The following L3MBTL4 variants were observed in gnomAD, a reference collection of about 807,000 sequenced individuals.
The protein encoded by L3MBTL4 is L3MBTL histone methyl-lysine binding protein 4.
L3MBTL4 carries 70 observed loss-of-function variants against 84.5 expected under a neutral mutation model. That is an observed-to-expected ratio of 0.83 (90% CI 0.68 to 1.01). The LOEUF (loss-of-function observed/expected upper bound fraction) is 1.01. Ranked by LOEUF, L3MBTL4 falls within the 50% of genes least tolerant of loss-of-function variation. The pLI, the probability that L3MBTL4 is intolerant of heterozygous loss-of-function variation, is 0.00. For synonymous variants in L3MBTL4, 274 were observed against 259.8 expected, an observed-to-expected ratio of 1.05 and a Z score of -0.52; for missense variants, 715 against 754.8, an observed-to-expected ratio of 0.95 and a Z score of 0.62.
intron 16 of L3MBTL4, among the ~76,000 whole-genome samples, chr18:6,035,420 G>T (rs1598504129): frequency 6.6e-6 from 1 of 150,678 alleles, no homozygotes; most frequent in East Asian, 1.9e-4. Flanking sequence ...TTTCCCCATT[G>T]CTTGTTTTTC....
rs573392010 is a variant in L3MBTL4 at position 5,996,185 on chromosome 18, T to G, written c.1445-26623A>C. ...TGTCAAATCCTAGAAAATGTAGCATTCCTACACATGATGTTAACATCGTTC... is the reference window on the plus strand; with the variant it reads ...TGTCAAATCCTAGAAAATGTAGCATGCCTACACATGATGTTAACATCGTTC... On this transcript the variant is annotated intron_variant, in intron 16 of 18. Coordinates refer to ENST00000317931, the MANE Select transcript of L3MBTL4 (RefSeq NM_001330559.2). 4.3e-4 allele frequency among the ~76,000 whole-genome samples: 66 copies of G among 152,346 alleles called. 1 individual carries two copies. The South Asian group carries it at 0.014, about 32-fold the overall frequency.
chr18:6,294,401 G>A (rs958183810), intron 4 of L3MBTL4, among the ~76,000 whole-genome samples: 2 of 152,228 alleles, frequency 1.3e-5, no homozygotes, highest in African/African-American at 4.8e-5. Flanking sequence ...ATGCACCAAA[G>A]TGGCAGCTTC....
intron 3 of L3MBTL4, among the ~76,000 whole-genome samples, chr18:6,304,659 T>C (rs1480552259): frequency 3.9e-5 from 6 of 152,210 alleles, no homozygotes; most frequent in Non-Finnish European, 7.3e-5. Flanking sequence ...TCTACCCTGT[T>C]CTACTGCAAG....
At chr18:6,020,589 C>T (rs755504061) in intron 16 of L3MBTL4, among the ~76,000 whole-genome samples, 81 of 152,088 alleles carry the variant, frequency 5.3e-4, no homozygotes, top group Non-Finnish European at 1.6e-4. Flanking sequence ...GAGACACCAT[C>T]CTGTAGTCAA....
intron 16 of L3MBTL4, among the ~76,000 whole-genome samples, chr18:6,001,941 C>T (rs1034764722): frequency 2.6e-5 from 4 of 152,198 alleles, no homozygotes; most frequent in African/African-American, 4.8e-5. Context: ...ATCTAAGATG[C>T]TCAACAAACT....
intron 5 of L3MBTL4, chr18:6,260,821 A>G (rs1014009564): frequency 1.3e-5 from 2 of 152,264 alleles, no homozygotes; most frequent in Non-Finnish European, 2.9e-5. Context: ...ATGAACATTA[A>G]TAGTCAAAAA....
intron 16 of L3MBTL4, among the ~76,000 whole-genome samples, chr18:5,979,778 T>A (rs2053122738): frequency 6.6e-6 from 1 of 152,196 alleles, no homozygotes; most frequent in South Asian, 2.1e-4. Context: ...TTTAGCAAGG[T>A]AAGCCTCTGT....
chr18:6,265,226 C>T (rs996139160), intron 4 of L3MBTL4, among the ~76,000 whole-genome samples: 21 of 152,148 alleles, frequency 1.4e-4, no homozygotes, highest in Non-Finnish European at 7.4e-5. Context: ...ATAAATAATT[C>T]CTTCCCAATT....
At position 6,263,947 on chromosome 18, in the gene L3MBTL4, C is replaced by A; in HGVS notation, c.219G>T (p.Lys73Asn). The A allele has an allele frequency of 6.2e-7, 1 of 1,611,438 alleles. No homozygotes were observed. The highest frequency in any genetic ancestry group is 8.5e-7 in the Non-Finnish European group (1 of 1,177,524). ...AAATATAAGTCCTTCAGTGGCTGAC[C>A]TTGGAAAACAGCTCAACAGGTGCTG... ...AVAAPVELFSKDQSFPEHENG... is the reference protein window; with the variant it reads ...AVAAPVELFSNDQSFPEHENG... The change falls in exon 5 of 19, where the codon AAG (lysine) becomes AAT (asparagine). Residue 73 changes from lysine to asparagine, a missense_variant and splice_region_variant. By Grantham distance (94) the Lys-to-Asn change is moderately conservative. Coordinates refer to ENST00000317931, the MANE Select transcript of L3MBTL4 (RefSeq NM_001330559.2).
At chr18:5,962,151 C>T (rs1182128339) in intron 17 of L3MBTL4, among the ~76,000 whole-genome samples, 1 of 152,122 alleles carries the variant, frequency 6.6e-6, no homozygotes, top group African/African-American at 2.4e-5. Context: ...CTGACCACAA[C>T]ATGTGTTCAA....
intron 3 of L3MBTL4, among the ~76,000 whole-genome samples, chr18:6,308,411 G>C (rs1336199543): frequency 6.6e-6 from 1 of 152,138 alleles, no homozygotes; most frequent in Non-Finnish European, 1.5e-5. Flanking sequence ...ATATCCTTTG[G>C]TACAATAATT....
At chr18:6,038,347 G>C (rs1438236737) in intron 16 of L3MBTL4, among the ~76,000 whole-genome samples, 1 of 147,018 alleles carries the variant, frequency 6.8e-6, no homozygotes, top group Non-Finnish European at 1.5e-5. Context: ...TCCGCCTCTC[G>C]GGTTCACGCC....
chr18:6,087,417 G>A (rs947820902), intron 15 of L3MBTL4, among the ~76,000 whole-genome samples: 2 of 152,162 alleles, frequency 1.3e-5, no homozygotes, highest in Admixed American at 1.3e-4. Flanking sequence ...CATTGCAGAA[G>A]TTGAATTAAT....
At chr18:6,162,964 G>A (rs1479453100) in intron 13 of L3MBTL4, among the ~76,000 whole-genome samples, 1 of 152,140 alleles carries the variant, frequency 6.6e-6, no homozygotes, top group Non-Finnish European at 1.5e-5. Flanking sequence ...TTGTGTGCAT[G>A]CAAAGGAGTC....
chr18:6,312,322 C>T (rs1052903685), intron 1 of L3MBTL4, among the ~76,000 whole-genome samples: 1 of 152,084 alleles, frequency 6.6e-6, no homozygotes, highest in Non-Finnish European at 1.5e-5. Context: ...CATCTATAGT[C>T]CCCAGTGCTT....
intron 3 of L3MBTL4, among the ~76,000 whole-genome samples, chr18:6,311,167 T>C (rs2050811950): frequency 6.6e-6 from 1 of 151,044 alleles, no homozygotes; most frequent in African/African-American, 2.4e-5. Context: ...TCTCTCGCTC[T>C]GTGTGTGTGT....
intron 1 of L3MBTL4, among the ~76,000 whole-genome samples, chr18:6,342,105 A>T (rs977290709): frequency 5.9e-5 from 9 of 152,316 alleles, no homozygotes; most frequent in African/African-American, 2.2e-4. Flanking sequence ...CATCATCACT[A>T]GATTTGCCTT....
chr18:6,314,406 A>C (rs1048851983), intron 1 of L3MBTL4, among the ~76,000 whole-genome samples: 1 of 152,224 alleles, frequency 6.6e-6, no homozygotes, highest in Non-Finnish European at 1.5e-5. Flanking sequence ...CAGGGAAAGT[A>C]AAGGTATATA....
chr18:6,125,642 C>G (rs2059670200), intron 14 of L3MBTL4, among the ~76,000 whole-genome samples: 1 of 152,150 alleles, frequency 6.6e-6, no homozygotes, highest in African/African-American at 2.4e-5. Context: ...GTTGTCCAGG[C>G]TGGTCTCGAA....
Sources: gnomAD v4.1 joint callset for allele counts (sites outside exome capture counted in the v4.1 genomes callset) on GRCh38, gnomAD v4.1.1 for gene constraint, MANE v1.5 for transcripts, NCBI Gene and HGNC (gene_info 2026-07-23, HGNC 2026-07-21) for gene names.